FAM114A1: variants seen among roughly 807,000 people sequenced by gnomAD.
FAM114A1 encodes protein NOXP20.
Under a neutral mutation model 64.3 loss-of-function variants are expected in FAM114A1, and 62 were observed. That is an observed-to-expected ratio of 0.96 (90% CI 0.79 to 1.19). The LOEUF (loss-of-function observed/expected upper bound fraction) is 1.19, where lower values mean the gene tolerates loss of function less well. Among genes scored for constraint, FAM114A1 ranks in the 50% most tolerant of loss-of-function variants. The pLI is 0.00. For synonymous variants in FAM114A1, 254 were observed against 251.1 expected (o/e 1.01, Z -0.11); for missense variants, 645 against 676.3 (o/e 0.95, Z 0.51).
At chr4:38,868,859 T>G (rs2109501675) in intron 2 of FAM114A1, among the ~76,000 whole-genome samples, 2 of 152,330 alleles carry the variant, frequency 1.3e-5, no homozygotes, top group Non-Finnish European at 2.9e-5. Flanking sequence ...CCGCCCTCCT[T>G]TCTTCCATCA....
At chr4:38,902,642 G>T (rs1432475355) in intron 4 of FAM114A1, among the ~76,000 whole-genome samples, 3 of 152,094 alleles carry the variant, frequency 2.0e-5, no homozygotes, top group African/African-American at 7.2e-5. Flanking sequence ...ACCTTCTATT[G>T]CAGTGAGCCA....
intron 3 of FAM114A1, among the ~76,000 whole-genome samples, chr4:38,884,269 G>C (rs182835587): frequency 6.6e-6 from 1 of 152,192 alleles, no homozygotes; most frequent in Non-Finnish European, 1.5e-5. Context: ...GATTATAGGC[G>C]CAAGCCACCG....
intron 3 of FAM114A1, among the ~76,000 whole-genome samples, chr4:38,885,116 C>T (rs7683481): frequency 0.28 from 41,941 of 151,750 alleles, 6,144 homozygotes; most frequent in African/African-American, 0.31. Flanking sequence ...CTGGGACTAC[C>T]GGCATCTGCC....
chr4:38,867,970 G>T, intron 1 of FAM114A1, 136 bp downstream of exon 1: 1 of 352,926 alleles, frequency 2.8e-6, no homozygotes, highest in South Asian at 2.1e-5. Context: ...CTCTGCGTTA[G>T]TGAGAAGCAG....
At chr4:38,886,023 A>G (rs1715763490) in intron 3 of FAM114A1, among the ~76,000 whole-genome samples, 1 of 152,192 alleles carries the variant, frequency 6.6e-6, no homozygotes, top group East Asian at 1.9e-4. Context: ...CGAGAGGTCA[A>G]GTAAGTAATA....
chr4:38,893,509 A>G (rs911469167), intron 4 of FAM114A1, among the ~76,000 whole-genome samples: 1 of 152,238 alleles, frequency 6.6e-6, no homozygotes, highest in African/African-American at 2.4e-5. Flanking sequence ...TTCCTGCCAC[A>G]GTAAACACAG....
intron 2 of FAM114A1, among the ~76,000 whole-genome samples, chr4:38,875,836 T>C (rs6845518): frequency 0.25 from 38,251 of 152,120 alleles, 5,404 homozygotes; most frequent in Non-Finnish European, 0.28. Flanking sequence ...GTTCCTTCAA[T>C]GCTTAGTTTG....
intron 14 of FAM114A1, among the ~76,000 whole-genome samples, chr4:38,942,893 A>G (rs1238168667): frequency 9.2e-6 from 1 of 108,416 alleles, no homozygotes; most frequent in Non-Finnish European, 1.9e-5. Flanking sequence ...AAGAAAGTAC[A>G]CACACTGATG....
intron 7 of FAM114A1, 46 bp from the exon 8 acceptor site, chr4:38,914,875 G>C: frequency 9.4e-6 from 15 of 1,588,012 alleles, no homozygotes; most frequent in Non-Finnish European, 1.2e-5. Context: ...AGGAAACGGT[G>C]CTTTTAAATG....
chr4:38,885,809 T>C (rs1409887513), intron 3 of FAM114A1, among the ~76,000 whole-genome samples: 1 of 152,186 alleles, frequency 6.6e-6, no homozygotes, highest in Admixed American at 6.5e-5. Context: ...GCATATTTTA[T>C]TGGAATGCTG....
At chr4:38,942,968 G>A (rs1160674030) in intron 14 of FAM114A1, among the ~76,000 whole-genome samples, 1 of 152,096 alleles carries the variant, frequency 6.6e-6, no homozygotes, top group Non-Finnish European at 1.5e-5. Context: ...GCCGAGGTGG[G>A]CAGATACGAA....
chr4:38,916,991 C>A (rs79237634), intron 8 of FAM114A1, among the ~76,000 whole-genome samples: 9,522 of 151,726 alleles, frequency 0.063, 765 homozygotes, highest in African/African-American at 0.18. Context: ...TCCAATAGTC[C>A]AGTAAGATGT....
rs2109825492 is a variant in FAM114A1 at position 38,943,843 on chromosome 4, T to C, written c.*286T>C. 1 of 273,134 alleles carries C rather than the reference T, an allele frequency of 3.7e-6. No individual in the cohort carries two copies. Among genetic ancestry groups the C allele is most frequent in the South Asian group, 5.7e-5 (1 of 17,398 alleles). 16.9% of individuals were successfully genotyped at this position (273,134 alleles called of 1,614,324 possible). A position where few individuals can be genotyped will look rare whatever the true frequency, so the allele number is the denominator to read the frequency against. On this transcript the variant is annotated 3_prime_UTR_variant, in exon 15 of 15. Coordinates refer to ENST00000358869, the MANE Select transcript of FAM114A1 (RefSeq NM_138389.4). ...TCTGAAATTTATTTACAAATATTCG[T>C]GTTCATTTTCCTGGTTAAGCATGCT...
chr4:38,896,161 A>G (rs1716919796), intron 4 of FAM114A1, among the ~76,000 whole-genome samples: 1 of 152,176 alleles, frequency 6.6e-6, no homozygotes, highest in Admixed American at 6.5e-5. Context: ...ATTTTGAAAT[A>G]TTGATGCTCA....
chr4:38,943,356 TG>T, intron 14 of FAM114A1, 99 bp from the exon 15 acceptor site: 2 of 849,112 alleles, frequency 2.4e-6, no homozygotes, highest in Middle Eastern at 4.4e-4. Context: ...TAATCCAATA[TG>T]GGGGGTGGGT....
intron 13 of FAM114A1, among the ~76,000 whole-genome samples, chr4:38,939,752 C>T (rs1255388082): frequency 6.6e-6 from 1 of 152,008 alleles, no homozygotes; most frequent in Non-Finnish European, 1.5e-5. Flanking sequence ...AAGATTGCAT[C>T]CTCTCTCTCT....
chr4:38,932,721 T>C (rs1450897856), intron 12 of FAM114A1, among the ~76,000 whole-genome samples: 1 of 151,866 alleles, frequency 6.6e-6, no homozygotes, highest in African/African-American at 2.4e-5. Flanking sequence ...GGTCTCAAAC[T>C]CCTGAGCTCA....
chr4:38,906,172 T>G (rs764536846), intron 6 of FAM114A1, among the ~76,000 whole-genome samples: 2 of 152,166 alleles, frequency 1.3e-5, no homozygotes, highest in Non-Finnish European at 2.9e-5. Flanking sequence ...GAGAGAGAAC[T>G]CTTTATCAGA....
intron 3 of FAM114A1, among the ~76,000 whole-genome samples, chr4:38,881,200 T>G (rs1239487601): frequency 8.1e-6 from 1 of 122,790 alleles, no homozygotes; most frequent in Non-Finnish European, 1.7e-5. Context: ...AGACTCTGTC[T>G]CAAAAAAAAA....
Sources: gnomAD v4.1 joint callset for allele counts (sites outside exome capture counted in the v4.1 genomes callset) on GRCh38, gnomAD v4.1.1 for gene constraint, MANE v1.5 for transcripts, NCBI Gene and HGNC (gene_info 2026-07-23, HGNC 2026-07-21) for gene names.